The following MTCH1 variants were observed in gnomAD, a reference collection of about 807,000 sequenced individuals.
The protein encoded by MTCH1 is mitochondrial carrier 1.
In MTCH1, 23 loss-of-function variants were observed where a neutral mutation model predicts 49.3. The observed-to-expected ratio is 0.47, with a 90% CI of 0.34 to 0.66. MTCH1 has a LOEUF of 0.66. Among genes scored for constraint, MTCH1 ranks in the 30% least tolerant of loss-of-function variants. The pLI is 0.01. For missense variants in MTCH1, 397 were observed against 532.1 expected (o/e 0.75, Z 2.50); for synonymous variants, 229 against 215.2 (o/e 1.06, Z -0.56).
In MTCH1 at chr6:36,968,456, G is replaced by A. The variant is rs1211027065; in HGVS notation, c.*447C>T. 4.8e-5 allele frequency: 16 copies of A among 331,682 alleles called. No homozygotes were observed. The highest frequency in any genetic ancestry group is 3.1e-4 in the South Asian group (13 of 42,126). The allele number at this position is 331,682 out of a possible 1,614,324, so 20.5% of individuals were successfully genotyped here. A position where few individuals can be genotyped will look rare whatever the true frequency, so the allele number is the denominator to read the frequency against. ...TAGGCCTAGACATGATGGTGGCCAC[G>A]TGCCAGGGGACCACACCCTATGTAC... On this transcript the variant is annotated 3_prime_UTR_variant, in exon 12 of 12. Transcript: ENST00000373627.
rs1036146731 is a variant in MTCH1 at position 36,980,773 on chromosome 6, C to T, written c.406+815G>A. 7.9e-5 allele frequency among the ~76,000 whole-genome samples: 12 copies of T among 152,226 alleles called. No homozygotes were observed. In the East Asian group the frequency reaches 1.2e-3, roughly 15 times the overall value. ...TGCAATGGAACTCCAGCTGTGAACA[C>T]GGAGAAAAAGGGCACATTTAAAGAA... On this transcript the variant is annotated intron_variant, in intron 2 of 11. Coordinates refer to ENST00000373627, the MANE Select transcript of MTCH1 (RefSeq NM_001271641.2).
intron 7 of MTCH1, 67 bp downstream of exon 7, chr6:36,975,591 G>A (rs1763849196): frequency 2.0e-6 from 3 of 1,495,344 alleles, no homozygotes; most frequent in Admixed American, 3.4e-5. Context: ...CGGTCTGAGA[G>A]GTTGAGGACA....
chr6:36,981,319 C>T (rs2150752363), intron 2 of MTCH1, among the ~76,000 whole-genome samples: 1 of 152,290 alleles, frequency 6.6e-6, no homozygotes, highest in Non-Finnish European at 1.5e-5. Flanking sequence ...TAGATTGGCT[C>T]CTCTCTCAGG....
intron 8 of MTCH1, 68 bp from the exon 9 acceptor site, chr6:36,970,762 C>T: frequency 4.0e-6 from 6 of 1,509,746 alleles, no homozygotes; most frequent in Non-Finnish European, 5.5e-6. Flanking sequence ...GCAACACATG[C>T]CCTCACCCCA....
chr6:36,976,068 A>T (rs1051959770), intron 6 of MTCH1, among the ~76,000 whole-genome samples: 6 of 152,144 alleles, frequency 3.9e-5, no homozygotes, highest in Non-Finnish European at 8.8e-5. Context: ...CCTCACACTT[A>T]TCTCTGGTTA....
chr6:36,985,263 T>C (rs1486399214), intron 1 of MTCH1, among the ~76,000 whole-genome samples: 1 of 152,140 alleles, frequency 6.6e-6, no homozygotes, highest in Non-Finnish European at 1.5e-5. Context: ...ACCCCCAGTC[T>C]GGTGTCCTTC....
Position 36,982,318 on chromosome 6 carries a change from T to C in MTCH1, c.322-646A>G, listed in dbSNP as rs963304758. Among the ~76,000 whole-genome samples the C allele has an allele frequency of 6.6e-6, 1 of 152,202 alleles. No individual in the cohort carries two copies. Among genetic ancestry groups the C allele is most frequent in the Non-Finnish European group, 1.5e-5 (1 of 68,032 alleles). ...TCCCTGTGACAAAACGACCCCCTCA[T>C]TTCTGTAGGGCTATGATAGTTCTTG... On this transcript the variant is annotated intron_variant, in intron 1 of 11. Transcript: ENST00000373627. The surrounding 1 kb of genome is among the most constrained non-coding windows in gnomAD (Gnocchi z 4.1).
In MTCH1 at chr6:36,972,280, T is replaced by C. The variant is rs930570434; in HGVS notation, c.906+372A>G. On this transcript the variant is annotated intron_variant, in intron 8 of 11. Coordinates refer to ENST00000373627, the MANE Select transcript of MTCH1 (RefSeq NM_001271641.2). The surrounding 1 kb of genome is among the most constrained non-coding windows in gnomAD (Gnocchi z 4.1). The stretch of plus-strand genomic sequence containing the variant: ...GCCGTCAGATCAAAGGCCATAACGT[T>C]CACAAAAGGGTTTTAAAAAGCAAAA... 2.6e-5 allele frequency among the ~76,000 whole-genome samples: 4 copies of C among 152,086 alleles called. No homozygotes were observed. Among genetic ancestry groups the C allele is most frequent in the South Asian group, 2.1e-4 (1 of 4,826 alleles).
In MTCH1 at chr6:36,986,196, C is replaced by A; in HGVS notation, c.-23G>T. On this transcript the variant is annotated 5_prime_UTR_variant, in exon 1 of 12. Transcript: ENST00000373627. ...CATGGCGCCCGGCGGCGAGGTCACT[C>A]CCCGTCACGTGACGGGGCCACGCCC... 7.1e-7 allele frequency: 1 copy of A among 1,405,294 alleles called. No homozygotes were observed. Among genetic ancestry groups the A allele is most frequent in the Non-Finnish European group, 9.2e-7 (1 of 1,084,232 alleles). 87.1% of individuals were successfully genotyped at this position (1,405,294 alleles called of 1,614,324 possible).
In MTCH1 at chr6:36,986,033, G is replaced by A; in HGVS notation, c.141C>T (p.His47=). ...GCCGAGGGTGGCGAGGATGTGCGCGGTGCGCGGGCGGTGGATCGCGAGCTC... is the reference window on the plus strand; with the variant it reads ...GCCGAGGGTGGCGAGGATGTGCGCGATGCGCGGGCGGTGGATCGCGAGCTC... ...EARARDPPPA[H]RAHPRHPRPA... is the part of the protein sequence containing the mutation. Residue 47 remains histidine (H), a synonymous_variant, in exon 1 of 12, where the codon CAC becomes CAT. Transcript: ENST00000373627. The A allele has an allele frequency of 3.3e-6, 5 of 1,496,966 alleles. No homozygotes were observed. The highest frequency in any genetic ancestry group is 3.5e-6 in the Non-Finnish European group (4 of 1,129,280). The allele number at this position is 1,496,966 out of a possible 1,614,324, so 92.7% of individuals were successfully genotyped here.
At chr6:36,974,341 C>A (rs1396973161) in intron 7 of MTCH1, among the ~76,000 whole-genome samples, 1 of 152,158 alleles carries the variant, frequency 6.6e-6, no homozygotes, top group Non-Finnish European at 1.5e-5. Flanking sequence ...GCTAGGACTA[C>A]AGGTGCATGC....
chr6:36,975,230 T>C (rs1393016893), intron 7 of MTCH1, among the ~76,000 whole-genome samples: 2 of 152,222 alleles, frequency 1.3e-5, no homozygotes, highest in Non-Finnish European at 2.9e-5. Flanking sequence ...AACAACTAAT[T>C]TGTCAGAAAA....
intron 11 of MTCH1, chr6:36,969,575 AG>A: frequency 8.6e-7 from 1 of 1,163,482 alleles, no homozygotes; most frequent in Non-Finnish European, 1.1e-6. Flanking sequence ...CACGTGGCCC[AG>A]CCCCACCCAC....
Position 36,977,074 on chromosome 6 carries a change from G to A in MTCH1, c.701+125C>T, listed in dbSNP as rs1763905420. Reference sequence around the variant, plus strand: ...CCACTGCCACATTCCTCAGAAGCCAGGCAGCAGGCTGAACTCACACAGCAC... The same window carrying A: ...CCACTGCCACATTCCTCAGAAGCCAAGCAGCAGGCTGAACTCACACAGCAC... On this transcript the variant is annotated intron_variant, in intron 6 of 11. Transcript: ENST00000373627. This position sits in a 1 kb window ranked among gnomAD's most constrained non-coding sequence, Gnocchi z 5.4. 1.0e-6 allele frequency: 1 copy of A among 971,252 alleles called. No individual in the cohort carries two copies. Among genetic ancestry groups the A allele is most frequent in the Non-Finnish European group, 1.6e-6 (1 of 614,040 alleles). 60.2% of individuals were successfully genotyped at this position (971,252 alleles called of 1,614,324 possible).
At position 36,977,571 on chromosome 6, in the gene MTCH1, C is replaced by A. The variant is rs1209856122; in HGVS notation, c.649+63G>T. 2 of 1,176,078 alleles carry A rather than the reference C, an allele frequency of 1.7e-6. No homozygotes were observed. The highest frequency in any genetic ancestry group is 2.5e-6 in the Non-Finnish European group (2 of 805,662). 72.9% of individuals were successfully genotyped at this position (1,176,078 alleles called of 1,614,324 possible). On this transcript the variant is annotated intron_variant, in intron 5 of 11. Transcript: ENST00000373627. The surrounding 1 kb of genome is among the most constrained non-coding windows in gnomAD (Gnocchi z 5.4). ...TCTATGTACAGTCCACGAGGGGGCGCCCCTCACCCCACGCCCCCGACGCCA... is the reference window on the plus strand; with the variant it reads ...TCTATGTACAGTCCACGAGGGGGCGACCCTCACCCCACGCCCCCGACGCCA...
intron 7 of MTCH1, among the ~76,000 whole-genome samples, chr6:36,973,890 C>T (rs1763767403): frequency 6.6e-6 from 1 of 152,224 alleles, no homozygotes; most frequent in Non-Finnish European, 1.5e-5. Context: ...GCCACAGATG[C>T]CCTGCACTTT....
At chr6:36,970,255 TG>T (rs770556421) in intron 10 of MTCH1, 141 bp from the exon 11 acceptor site, 37 of 1,427,874 alleles carry the variant, frequency 2.6e-5, no homozygotes, top group Non-Finnish European at 3.6e-5. Context: ...CAGGGGGTGC[TG>T]GGAAATCCCA....
chr6:36,979,742 G>C (rs528128233), intron 2 of MTCH1, among the ~76,000 whole-genome samples: 14 of 152,262 alleles, frequency 9.2e-5, no homozygotes, highest in African/African-American at 2.6e-4. Flanking sequence ...ATTTGCTTTG[G>C]GGGAGGGTGG....
chr6:36,978,760 C>T (rs1763983118), intron 2 of MTCH1, 149 bp from the exon 3 acceptor site: 1 of 568,992 alleles, frequency 1.8e-6, no homozygotes, highest in Non-Finnish European at 3.0e-6. Flanking sequence ...GACCTGGAAG[C>T]AGTCAGGCCC....
Sources: gnomAD v4.1 joint callset for allele counts (sites outside exome capture counted in the v4.1 genomes callset) on GRCh38, gnomAD v4.1.1 for gene constraint, Gnocchi (gnomAD v3.1) non-coding constraint, MANE v1.5 for transcripts, NCBI Gene and HGNC (gene_info 2026-07-23, HGNC 2026-07-21) for gene names.